TMEM132B: variants seen among roughly 807,000 people sequenced by gnomAD.
TMEM132B encodes transmembrane protein 132B.
Under a neutral mutation model 90.8 loss-of-function variants are expected in TMEM132B, and 18 were observed. The observed-to-expected ratio is 0.20, with a 90% CI of 0.14 to 0.29. The LOEUF (loss-of-function observed/expected upper bound fraction) is 0.29. TMEM132B is among the 10% of genes least tolerant of loss of function. The pLI is 1.00. For synonymous variants in TMEM132B, 504 were observed against 523.3 expected (o/e 0.96, Z 0.50); for missense variants, 1,096 against 1,326.8 (o/e 0.83, Z 2.70).
intron 3 of TMEM132B, among the ~76,000 whole-genome samples, chr12:125,437,048 T>C (rs1041263071): frequency 3.9e-5 from 6 of 152,192 alleles, no homozygotes; most frequent in Non-Finnish European, 7.3e-5. Context: ...CACACCCTTG[T>C]TTAGCTGATA....
chr12:125,624,753 G>T (rs1886189992), intron 5 of TMEM132B, among the ~76,000 whole-genome samples: 1 of 152,150 alleles, frequency 6.6e-6, no homozygotes, highest in African/African-American at 2.4e-5. Context: ...GGTCCTTTTT[G>T]TCTTCAGCCA....
At chr12:125,294,664 G>A (rs1008349740) in intron 1 of TMEM132B, among the ~76,000 whole-genome samples, 21 of 152,270 alleles carry the variant, frequency 1.4e-4, no homozygotes, top group African/African-American at 4.1e-4. Flanking sequence ...CCATACAAAC[G>A]TGGAAATTGA....
At chr12:125,650,568 A>G (rs1469022001) in intron 6 of TMEM132B, 115 bp from the exon 7 acceptor site, 2 of 1,226,878 alleles carry the variant, frequency 1.6e-6, no homozygotes, top group African/African-American at 1.5e-5. Flanking sequence ...CAGGTCCTGC[A>G]GGAGAAGGAC....
At chr12:125,598,733 C>G (rs980998589) in intron 5 of TMEM132B, among the ~76,000 whole-genome samples, 15 of 152,114 alleles carry the variant, frequency 9.9e-5, no homozygotes, top group African/African-American at 3.6e-4. Context: ...TTGCCACATG[C>G]AAAGGGGCTG....
At chr12:125,283,647 C>T (rs751450952) in intron 1 of TMEM132B, among the ~76,000 whole-genome samples, 7 of 152,330 alleles carry the variant, frequency 4.6e-5, no homozygotes, top group South Asian at 2.1e-4. Flanking sequence ...GGTAAGATGT[C>T]GCGTCCAACA....
At chr12:125,589,343 G>A (rs551563342) in intron 5 of TMEM132B, among the ~76,000 whole-genome samples, 10 of 151,910 alleles carry the variant, frequency 6.6e-5, no homozygotes, top group Non-Finnish European at 1.2e-4. Context: ...TTAGCCGGGC[G>A]TAGTGGCGGG....
chr12:125,311,468 CT>C (rs1334716585), intron 1 of TMEM132B, among the ~76,000 whole-genome samples: 2 of 152,204 alleles, frequency 1.3e-5, no homozygotes, highest in Admixed American at 1.3e-4. Flanking sequence ...CAGCTTCTCT[CT>C]TCCTTTTACA....
At chr12:125,495,755 C>T (rs61945410) in intron 3 of TMEM132B, among the ~76,000 whole-genome samples, 37,158 of 152,110 alleles carry the variant, frequency 0.24, 4,830 homozygotes, top group Middle Eastern at 0.29. Flanking sequence ...CACTAAACCC[C>T]TGCTGAGGAC....
intron 3 of TMEM132B, among the ~76,000 whole-genome samples, chr12:125,436,084 G>C (rs1198352820): frequency 1.3e-5 from 2 of 152,154 alleles, no homozygotes; most frequent in Admixed American, 1.3e-4. Flanking sequence ...TGCGGTCTTT[G>C]CCTCTTTCCA....
At chr12:125,270,960 T>TC (rs1874823337) in intron 1 of TMEM132B, among the ~76,000 whole-genome samples, 1 of 151,420 alleles carries the variant, frequency 6.6e-6, no homozygotes, top group Non-Finnish European at 1.5e-5. Flanking sequence ...TTTTTTTTTT[T>TC]TCCCGAAAGA....
At chr12:125,302,825 G>A (rs540782575) in intron 1 of TMEM132B, among the ~76,000 whole-genome samples, 39 of 152,218 alleles carry the variant, frequency 2.6e-4, no homozygotes, top group South Asian at 1.0e-3. Context: ...GGCTGGGTGC[G>A]GTGGCTCATG....
At chr12:125,335,732 AT>A (rs1876935152) in intron 1 of TMEM132B, among the ~76,000 whole-genome samples, 1 of 152,224 alleles carries the variant, frequency 6.6e-6, no homozygotes, top group Admixed American at 6.5e-5. Flanking sequence ...CATGCCTGTA[AT>A]CCCAGCACTT....
At chr12:125,493,104 G>A (rs1234905225) in intron 3 of TMEM132B, among the ~76,000 whole-genome samples, 2 of 152,084 alleles carry the variant, frequency 1.3e-5, no homozygotes, top group Non-Finnish European at 2.9e-5. Context: ...GTGGCCTGGC[G>A]CTCCACACCT....
chr12:125,223,482 A>G (rs1338639510), intron 1 of TMEM132B, among the ~76,000 whole-genome samples: 1 of 152,228 alleles, frequency 6.6e-6, no homozygotes, highest in African/African-American at 2.4e-5. Flanking sequence ...ATTTCTAGTC[A>G]TGCCTTAACT....
intron 1 of TMEM132B, among the ~76,000 whole-genome samples, chr12:125,316,571 A>G (rs948707128): frequency 1.5e-4 from 4 of 26,126 alleles, no homozygotes; most frequent in Admixed American, 9.2e-4. Context: ...CCATGAAGCT[A>G]TTTTCTAGAA....
intron 4 of TMEM132B, among the ~76,000 whole-genome samples, chr12:125,537,379 C>G (rs1883833660): frequency 6.6e-6 from 1 of 152,168 alleles, no homozygotes; most frequent in South Asian, 2.1e-4. Context: ...TCGAAGACTC[C>G]AGACAGCAGA....
Position 125,350,218 on chromosome 12 carries a change from G to T in TMEM132B, c.834G>T (p.Trp278Cys), listed in dbSNP as rs773487389. 1 of 1,614,178 alleles carries T rather than the reference G, an allele frequency of 6.2e-7. No homozygotes were observed. The highest frequency in any genetic ancestry group is 8.5e-7 in the Non-Finnish European group (1 of 1,180,048). Reference protein sequence around the residue: ...VVYPTQDDLKWSLVSLDENVV... With the variant: ...VVYPTQDDLKCSLVSLDENVV... ...ACCCAACCCAAGATGATCTGAAGTG[G>T]TCCCTGGTGAGCTTGGACGAGAATG... The change falls in exon 2 of 9, where the codon TGG becomes TGT. Residue 278 changes from tryptophan to cysteine, a missense_variant. Transcript: ENST00000682704.
intron 2 of TMEM132B, among the ~76,000 whole-genome samples, chr12:125,353,781 C>T (rs1467884919): frequency 6.6e-6 from 1 of 152,096 alleles, no homozygotes; most frequent in East Asian, 1.9e-4. Context: ...CAGGCCAGAG[C>T]TAAGGGTTAA....
rs574538568 is a variant in TMEM132B at position 125,631,784 on chromosome 12, C to T, written c.1438-12292C>T. 1.3e-4 allele frequency among the ~76,000 whole-genome samples: 19 copies of T among 151,846 alleles called. No homozygotes were observed. The East Asian group carries it at 2.5e-3, about 20-fold the overall frequency. On this transcript the variant is annotated intron_variant, in intron 5 of 8. Coordinates refer to ENST00000682704, the MANE Select transcript of TMEM132B (RefSeq NM_001366854.1). ...GAGTTTTGTCTTGAAGTCAATTTGT[C>T]GGATATAAGCACAGCTACTCCTGTT...
Sources: allele counts gnomAD v4.1 joint callset (sites outside exome capture counted in the v4.1 genomes callset), GRCh38; gene constraint gnomAD v4.1.1; transcripts MANE v1.5; gene names NCBI Gene and HGNC (gene_info 2026-07-23, HGNC 2026-07-21).